The following PARD3 variants were observed in gnomAD, a reference collection of about 807,000 sequenced individuals.
PARD3 encodes par-3 family cell polarity regulator, also known as partitioning defective 3 homolog.
PARD3 carries 75 observed loss-of-function variants against 155.4 expected under a neutral mutation model. The observed-to-expected ratio is 0.48, with a 90% confidence interval of 0.40 to 0.58. The LOEUF is 0.58. Ranked by LOEUF, PARD3 falls within the 20% of genes least tolerant of loss-of-function variation. The pLI is 0.00. For missense variants in PARD3, 1,642 were observed against 1,721.7 expected (o/e 0.95, Z 0.82); for synonymous variants, 576 against 610.5 (o/e 0.94, Z 0.83).
intron 12 of PARD3, among the ~76,000 whole-genome samples, chr10:34,363,036 A>G (rs1297389365): frequency 6.6e-6 from 1 of 152,234 alleles, no homozygotes; most frequent in African/African-American, 2.4e-5. Context: ...TATTCTTTCT[A>G]TGGACACACC....
chr10:34,181,506 A>G (rs1950266967), intron 22 of PARD3, among the ~76,000 whole-genome samples: 1 of 152,246 alleles, frequency 6.6e-6, no homozygotes, highest in Non-Finnish European at 1.5e-5. Context: ...AATGAGTGAG[A>G]AAACATAAAG....
In PARD3 at chr10:34,111,237, AG is replaced by A; in HGVS notation, c.3993del (p.Ser1332ProfsTer8). The A allele has an allele frequency of 3.1e-6, 5 of 1,611,102 alleles. No individual in the cohort carries two copies. The highest frequency in any genetic ancestry group is 4.2e-6 in the Non-Finnish European group (5 of 1,177,706). On this transcript the variant is annotated frameshift_variant, in exon 25 of 25. Transcript: ENST00000374788. LOFTEE classifies it high-confidence loss of function. ...PKGPFRQDVP[P>X]SPSQVARLNR... ...TTCAGCCTCGCAACCTGAGAAGGGG[AG>A]GGGGGCACATCTTGCCGGAAGGGCC...
At chr10:34,591,314 T>A (rs1292331951) in intron 2 of PARD3, among the ~76,000 whole-genome samples, 1 of 152,160 alleles carries the variant, frequency 6.6e-6, no homozygotes, top group Non-Finnish European at 1.5e-5. Flanking sequence ...AATTAGTAAA[T>A]ATGGTCTTTC....
chr10:34,652,837 C>T (rs1003981546), intron 2 of PARD3, among the ~76,000 whole-genome samples: 2 of 152,244 alleles, frequency 1.3e-5, no homozygotes. Context: ...TAAGAAGGAG[C>T]TTACATATAA....
At chr10:34,779,589 C>G (rs1294348369) in intron 1 of PARD3, among the ~76,000 whole-genome samples, 1 of 152,218 alleles carries the variant, frequency 6.6e-6, no homozygotes, top group Non-Finnish European at 1.5e-5. Context: ...CCACTGCACT[C>G]CAGCCTGGGC....
intron 1 of PARD3, among the ~76,000 whole-genome samples, chr10:34,784,193 G>A (rs1391610084): frequency 6.6e-6 from 1 of 151,968 alleles, no homozygotes; most frequent in Non-Finnish European, 1.5e-5. Context: ...CCTGGGTGAT[G>A]GAGAGAACTT....
At chr10:34,750,072 A>C (rs944494937) in intron 1 of PARD3, among the ~76,000 whole-genome samples, 14 of 139,004 alleles carry the variant, frequency 1.0e-4, no homozygotes, top group African/African-American at 3.3e-4. Context: ...CACACACACA[A>C]AACCCGCAGT....
intron 22 of PARD3, among the ~76,000 whole-genome samples, chr10:34,160,948 G>A (rs1949248008): frequency 6.6e-6 from 1 of 152,122 alleles, no homozygotes; most frequent in Non-Finnish European, 1.5e-5. Flanking sequence ...CTAGGAAGAA[G>A]TATTATAGTT....
chr10:34,745,292 T>C (rs573433681), intron 1 of PARD3, among the ~76,000 whole-genome samples: 1 of 151,676 alleles, frequency 6.6e-6, no homozygotes, highest in East Asian at 1.9e-4. Context: ...AGCCCAAGAG[T>C]TGGAGGATGC....
At chr10:34,416,553 G>A (rs563734380) in intron 5 of PARD3, among the ~76,000 whole-genome samples, 1 of 152,256 alleles carries the variant, frequency 6.6e-6, no homozygotes, top group South Asian at 2.1e-4. Context: ...GCTTCCCTCA[G>A]GCATCTTTGC....
intron 1 of PARD3, among the ~76,000 whole-genome samples, chr10:34,745,882 C>G (rs1411244403): frequency 6.6e-6 from 1 of 152,122 alleles, no homozygotes; most frequent in African/African-American, 2.4e-5. Flanking sequence ...ACGCAGATCA[C>G]GAGGTCAGGA....
intron 20 of PARD3, among the ~76,000 whole-genome samples, chr10:34,294,534 T>C (rs1956818580): frequency 6.6e-6 from 1 of 152,250 alleles, no homozygotes; most frequent in Non-Finnish European, 1.5e-5. Context: ...CACTTTTTTC[T>C]GTTGATTATA....
At chr10:34,253,370 T>C (rs1166011132) in intron 22 of PARD3, among the ~76,000 whole-genome samples, 2 of 152,226 alleles carry the variant, frequency 1.3e-5, no homozygotes, top group African/African-American at 4.8e-5. Flanking sequence ...TTCACAGTCA[T>C]GAATGGCCAA....
chr10:34,200,409 T>G (rs1951157298), intron 22 of PARD3, among the ~76,000 whole-genome samples: 1 of 152,120 alleles, frequency 6.6e-6, no homozygotes, highest in Non-Finnish European at 1.5e-5. Context: ...CAATGGAACT[T>G]TTGCCAAAGA....
At chr10:34,361,316 G>A (rs1331158387) in intron 12 of PARD3, among the ~76,000 whole-genome samples, 2 of 152,146 alleles carry the variant, frequency 1.3e-5, no homozygotes, top group Non-Finnish European at 2.9e-5. Flanking sequence ...TCCCACGTTT[G>A]AAATATTTCT....
chr10:34,665,976 G>A (rs2093460722), intron 2 of PARD3, among the ~76,000 whole-genome samples: 1 of 151,500 alleles, frequency 6.6e-6, no homozygotes, highest in Non-Finnish European at 1.5e-5. Flanking sequence ...CACCACGGGA[G>A]GCCAAGGCAA....
At chr10:34,453,468 T>C (rs2132835906) in intron 4 of PARD3, among the ~76,000 whole-genome samples, 1 of 152,326 alleles carries the variant, frequency 6.6e-6, no homozygotes, top group Admixed American at 6.5e-5. Context: ...CTTACACCAA[T>C]GTGGATGACT....
At chr10:34,206,220 C>T (rs567371397) in intron 22 of PARD3, among the ~76,000 whole-genome samples, 1 of 152,294 alleles carries the variant, frequency 6.6e-6, no homozygotes, top group East Asian at 1.9e-4. Flanking sequence ...CAGTGGCAGT[C>T]AGTGGCACAG....
intron 22 of PARD3, among the ~76,000 whole-genome samples, chr10:34,211,425 G>A (rs888602269): frequency 4.6e-5 from 7 of 152,268 alleles, no homozygotes; most frequent in Non-Finnish European, 1.0e-4. Flanking sequence ...TGGGGCATAC[G>A]CAGAGAGAAG....
Sources: allele counts gnomAD v4.1 joint callset (sites outside exome capture counted in the v4.1 genomes callset), GRCh38; gene constraint gnomAD v4.1.1; transcripts MANE v1.5; gene names NCBI Gene and HGNC (gene_info 2026-07-23, HGNC 2026-07-21).